The following DNMBP variants were observed in gnomAD, a reference collection of about 807,000 sequenced individuals.
DNMBP encodes dynamin-binding protein.
Under a neutral mutation model 150.0 loss-of-function variants are expected in DNMBP, and 87 were observed. That is an observed-to-expected ratio of 0.58 (90% CI 0.49 to 0.69). The LOEUF (loss-of-function observed/expected upper bound fraction) is 0.69, where lower values mean the gene tolerates loss of function less well. Ranked by LOEUF, DNMBP falls within the 30% of genes least tolerant of loss-of-function variation. The probability of loss-of-function intolerance (pLI) is 0.00; values close to 1 mark genes in which losing one functional copy is unlikely to be tolerated. For synonymous variants in DNMBP, 711 were observed against 750.4 expected, an observed-to-expected ratio of 0.95 and a Z score of 0.86; for missense variants, 1,774 against 1,949.0, an observed-to-expected ratio of 0.91 and a Z score of 1.69.
intron 9 of DNMBP, among the ~76,000 whole-genome samples, chr10:99,897,611 C>T (rs1391347527): frequency 3.9e-5 from 6 of 152,266 alleles, no homozygotes; most frequent in African/African-American, 9.6e-5. Flanking sequence ...ACCATACTTC[C>T]GCTTTTTATC....
intron 4 of DNMBP, among the ~76,000 whole-genome samples, chr10:99,918,571 C>CTTTTTTT (rs550967017): frequency 3.6e-5 from 3 of 84,216 alleles, no homozygotes; most frequent in Non-Finnish European, 7.5e-5. Context: ...GAGTCTGCAA[C>CTTTTTTT]TTCTTTTTTT....
At chr10:99,897,904 C>T (rs1177218747) in intron 9 of DNMBP, among the ~76,000 whole-genome samples, 182 bp downstream of exon 9, 1 of 152,036 alleles carries the variant, frequency 6.6e-6, no homozygotes, top group Admixed American at 6.6e-5. Context: ...CAGAGCAAGA[C>T]TCTGTCTCAA....
rs573422042 is a variant in DNMBP at position 100,002,715 on chromosome 10, C to T, written c.-11+7123G>A. On this transcript the variant is annotated intron_variant, in intron 1 of 16. Transcript: ENST00000324109. ...ATGTAGGGTTAATAAATATCTTCTGCTTGAAACAAAGTCAGCATAGGGTTA... is the reference window on the plus strand; with the variant it reads ...ATGTAGGGTTAATAAATATCTTCTGTTTGAAACAAAGTCAGCATAGGGTTA... Among the ~76,000 whole-genome samples, 4 of 152,118 alleles carry T rather than the reference C, an allele frequency of 2.6e-5. No homozygotes were observed. In the South Asian group the frequency reaches 8.3e-4, roughly 32 times the overall value.
intron 15 of DNMBP, among the ~76,000 whole-genome samples, chr10:99,882,503 G>C (rs1334728825): frequency 6.6e-6 from 1 of 152,182 alleles, no homozygotes; most frequent in Non-Finnish European, 1.5e-5. Flanking sequence ...AGGATTGCTT[G>C]AGCCTGGGAG....
intron 4 of DNMBP, among the ~76,000 whole-genome samples, chr10:99,939,222 C>G (rs1347130907): frequency 6.6e-6 from 1 of 152,166 alleles, no homozygotes; most frequent in East Asian, 1.9e-4. Flanking sequence ...ACTCCTCACT[C>G]TCTAGGACTC....
intron 16 of DNMBP, among the ~76,000 whole-genome samples, 159 bp downstream of exon 16, chr10:99,879,652 T>C (rs756986485): frequency 1.3e-5 from 2 of 152,326 alleles, no homozygotes; most frequent in Non-Finnish European, 2.9e-5. Flanking sequence ...CAGAAGGCTC[T>C]GATGGCAGAG....
At chr10:99,940,536 T>C (rs2040283405) in intron 4 of DNMBP, among the ~76,000 whole-genome samples, 1 of 152,086 alleles carries the variant, frequency 6.6e-6, no homozygotes, top group Non-Finnish European at 1.5e-5. Flanking sequence ...TCTCCCTGCT[T>C]CTTCAATGTG....
intron 11 of DNMBP, 84 bp from the exon 12 acceptor site, chr10:99,889,037 T>G: frequency 6.7e-7 from 1 of 1,488,786 alleles, no homozygotes; most frequent in Non-Finnish European, 9.0e-7. Context: ...AATAGCAGTC[T>G]TGGAAAAATG....
chr10:99,945,335 G>A (rs192825066), intron 4 of DNMBP, among the ~76,000 whole-genome samples: 281 of 152,268 alleles, frequency 1.8e-3, no homozygotes, highest in African/African-American at 5.7e-3. Flanking sequence ...ACTGGCACGC[G>A]GAGTAAAATG....
At chr10:99,900,626 C>T (rs1305333119) in intron 6 of DNMBP, among the ~76,000 whole-genome samples, 1 of 151,486 alleles carries the variant, frequency 6.6e-6, no homozygotes, top group Non-Finnish European at 1.5e-5. Context: ...TAAGGAGGAC[C>T]CCCTCAGTTT....
chr10:99,879,832 G>A lies in DNMBP; in HGVS notation c.4527C>T (p.Gly1509=). Residue 1509 remains glycine (G), a synonymous_variant, in exon 16 of 17, where the codon GGC becomes GGT. Coordinates refer to ENST00000324109, the MANE Select transcript of DNMBP (RefSeq NM_015221.4). Reference sequence around the variant, plus strand: ...TCACCTGGTTGCCTTCTGCCTCACTGCCATCTGGCTCTGTACTTCTGTCTT... The same window carrying A: ...TCACCTGGTTGCCTTCTGCCTCACTACCATCTGGCTCTGTACTTCTGTCTT... ...APEDRSTEPD[G]SEAEGNQVYF... 6.2e-7 allele frequency: 1 copy of A among 1,614,160 alleles called. No individual in the cohort carries two copies. The highest frequency in any genetic ancestry group is 8.5e-7 in the Non-Finnish European group (1 of 1,180,004).
intron 6 of DNMBP, among the ~76,000 whole-genome samples, chr10:99,903,845 T>C (rs1189680296): frequency 2.6e-5 from 4 of 152,186 alleles, no homozygotes; most frequent in African/African-American, 9.6e-5. Flanking sequence ...GCTACACCTA[T>C]AATCTCTTTC....
intron 13 of DNMBP, 129 bp downstream of exon 13, chr10:99,886,171 G>A: frequency 2.5e-6 from 2 of 791,742 alleles, no homozygotes; most frequent in Non-Finnish European, 3.9e-6. Flanking sequence ...GATTTCCTGA[G>A]GGATGAACTA....
Position 99,877,141 on chromosome 10 carries a change from C to G in DNMBP, c.*10G>C, listed in dbSNP as rs2256287. On this transcript the variant is annotated 3_prime_UTR_variant, in exon 17 of 17. Transcript: ENST00000324109. ...AAAGGCAGCAAGGCTGGGTGGCAGGCAACGTGGGCTCAGGTGTACTCGGTT... is the reference window on the plus strand; with the variant it reads ...AAAGGCAGCAAGGCTGGGTGGCAGGGAACGTGGGCTCAGGTGTACTCGGTT... 3,215 of 1,597,454 alleles carry G rather than the reference C, an allele frequency of 2.0e-3. 57 individuals carry two copies. In the African/African-American group the frequency reaches 0.036, roughly 18 times the overall value.
chr10:99,899,793 A>T, intron 7 of DNMBP, 126 bp downstream of exon 7: 3 of 1,094,542 alleles, frequency 2.7e-6, no homozygotes, highest in Non-Finnish European at 4.2e-6. Flanking sequence ...GAAACCACTT[A>T]AATGATATAT....
At chr10:99,983,459 T>C (rs1483119428) in intron 1 of DNMBP, among the ~76,000 whole-genome samples, 1 of 152,164 alleles carries the variant, frequency 6.6e-6, no homozygotes, top group African/African-American at 2.4e-5. Context: ...CTCCTATGGT[T>C]TATGTCGCTG....
chr10:99,894,840 T>C (rs2039627343), intron 11 of DNMBP, 106 bp downstream of exon 11: 2 of 808,160 alleles, frequency 2.5e-6, no homozygotes, highest in East Asian at 5.3e-5. Flanking sequence ...TAATAGTAAT[T>C]TGAGTCCAGA....
At chr10:99,879,234 G>A (rs1161396493) in intron 16 of DNMBP, among the ~76,000 whole-genome samples, 1 of 152,194 alleles carries the variant, frequency 6.6e-6, no homozygotes, top group African/African-American at 2.4e-5. Flanking sequence ...GGAGGCCGAG[G>A]TGGGCGGATC....
chr10:99,961,131 T>C (rs1316314309), intron 3 of DNMBP, among the ~76,000 whole-genome samples: 2 of 151,788 alleles, frequency 1.3e-5, no homozygotes, highest in Non-Finnish European at 2.9e-5. Context: ...GCACTTGATG[T>C]TCATTTGCTA....
Sources: gnomAD v4.1 joint callset for allele counts (sites outside exome capture counted in the v4.1 genomes callset) on GRCh38, gnomAD v4.1.1 for gene constraint, MANE v1.5 for transcripts, NCBI Gene and HGNC (gene_info 2026-07-23, HGNC 2026-07-21) for gene names.